The following HSD17B13 variants were observed in gnomAD, a reference collection of about 807,000 sequenced individuals.
HSD17B13 encodes hydroxysteroid 17-beta dehydrogenase 13, also known as 17-beta-hydroxysteroid dehydrogenase 13.
HSD17B13 carries 26 observed loss-of-function variants against 31.1 expected under a neutral mutation model. The observed-to-expected ratio is 0.84, with a 90% CI of 0.61 to 1.16. HSD17B13 has a LOEUF of 1.16. HSD17B13 is among the 50% of genes most tolerant of loss of function. The pLI, the probability that HSD17B13 is intolerant of heterozygous loss-of-function variation, is 0.00. For missense variants in HSD17B13, 374 were observed against 366.5 expected (o/e 1.02, Z -0.17); for synonymous variants, 141 against 133.7 (o/e 1.05, Z -0.38).
chr4:87,310,293 C>T lies in HSD17B13; in HGVS notation c.762G>A (p.Lys254=), dbSNP rs773922527. 1.0e-5 allele frequency: 16 copies of T among 1,582,206 alleles called. No homozygotes were observed. The highest frequency in any genetic ancestry group is 1.9e-5 in the Admixed American group (1 of 53,718). Reference sequence around the variant, plus strand: ...TATACGATGGAACAAAAATCATTTTCTTATTGGTAAGTATTCCATCTATCA... The same window carrying T: ...TATACGATGGAACAAAAATCATTTTTTTATTGGTAAGTATTCCATCTATCA... ...RSLIDGILTN[K]KMIFVPSYIN... is the part of the protein sequence containing the mutation. Residue 254 remains lysine (K), a synonymous_variant, in exon 6 of 7, where the codon AAG becomes AAA. Coordinates refer to ENST00000328546, the MANE Select transcript of HSD17B13 (RefSeq NM_178135.5).
At chr4:87,317,319 G>T in intron 2 of HSD17B13, 96 bp from the exon 3 acceptor site, 1 of 1,233,442 alleles carries the variant, frequency 8.1e-7, no homozygotes, top group South Asian at 1.4e-5. Context: ...TTCTTCTATT[G>T]TATGAGGTCT....
Position 87,313,895 on chromosome 4 carries a change from T to C in HSD17B13, c.623A>G (p.Lys208Arg). The part of the protein sequence containing the change: ...GLTSELQALG[K>R]TGIKTSCLCP... ...GAGACATGAGGTTTTGATACCAGTT[T>C]TTCCCAAGGCCTGAAGTTCTGATGT... The change falls in exon 5 of 7, where the codon AAA (lysine) becomes AGA (arginine). Residue 208 changes from lysine to arginine, a missense_variant. Transcript: ENST00000328546. 1 of 1,610,432 alleles carries C rather than the reference T, an allele frequency of 6.2e-7. No homozygotes were observed. Among genetic ancestry groups the C allele is most frequent in the South Asian group, 1.1e-5 (1 of 90,354 alleles).
chr4:87,308,421 G>A (rs945132017), intron 6 of HSD17B13, among the ~76,000 whole-genome samples: 42 of 139,998 alleles, frequency 3.0e-4, no homozygotes, highest in African/African-American at 8.4e-4. Flanking sequence ...AGGCTGAGGC[G>A]GGCGGATCAC....
intron 3 of HSD17B13, among the ~76,000 whole-genome samples, chr4:87,315,836 A>G (rs754116105): frequency 9.2e-5 from 14 of 152,204 alleles, no homozygotes; most frequent in Non-Finnish European, 1.9e-4. Flanking sequence ...CCTTCCCTTC[A>G]GAAGGAATCA....
chr4:87,307,306 CTTGTT>C (rs1321030128), intron 6 of HSD17B13, among the ~76,000 whole-genome samples: 1 of 152,096 alleles, frequency 6.6e-6, no homozygotes, highest in Non-Finnish European at 1.5e-5. Context: ...CTTTGAGACT[CTTGTT>C]TATTTTACTG....
chr4:87,314,244 T>A (rs1734597636), intron 4 of HSD17B13, among the ~76,000 whole-genome samples: 2 of 152,072 alleles, frequency 1.3e-5, no homozygotes, highest in African/African-American at 4.8e-5. Context: ...GTAAGGTTTT[T>A]CCATTGAATC....
In HSD17B13 at chr4:87,303,856, T is replaced by C. The variant is rs1261270122; in HGVS notation, c.*1362A>G. 3.8e-5 allele frequency: 4 copies of C among 105,866 alleles called. No homozygotes were observed. The Admixed American group carries it at 3.8e-4, about 10-fold the overall frequency. 6.6% of individuals were successfully genotyped at this position (105,866 alleles called of 1,614,324 possible). ...GTTATTTTTTTAAAGCACAATGACATATTTATTTTTAGTGAATTGTTTTTG... is the reference window on the plus strand; with the variant it reads ...GTTATTTTTTTAAAGCACAATGACACATTTATTTTTAGTGAATTGTTTTTG... On this transcript the variant is annotated 3_prime_UTR_variant, in exon 7 of 7. Transcript: ENST00000328546.
intron 2 of HSD17B13, 99 bp downstream of exon 2, chr4:87,318,230 C>T (rs185258911): frequency 1.1e-6 from 1 of 881,908 alleles, no homozygotes; most frequent in African/African-American, 1.7e-5. Flanking sequence ...AGCTAAAATC[C>T]AATTTAAATC....
rs111457687 is a variant in HSD17B13, at chr4:87,305,328, A to AC, written c.813-21_813-20insG. ...AGAAACCTGTACAAAAAAGAAAAAA[A>AC]AATTGAAAAATTTTCCATTTAAAAT... On this transcript the variant is annotated intron_variant, in intron 6 of 6. Transcript: ENST00000328546. 1.3e-6 allele frequency: 2 copies of AC among 1,520,196 alleles called. No individual in the cohort carries two copies. Among genetic ancestry groups the AC allele is most frequent in the South Asian group, 1.3e-5 (1 of 79,882 alleles). 94.2% of individuals were successfully genotyped at this position (1,520,196 alleles called of 1,614,324 possible). A position where few individuals can be genotyped will look rare whatever the true frequency, so the allele number is the denominator to read the frequency against.
intron 4 of HSD17B13, among the ~76,000 whole-genome samples, chr4:87,314,378 C>T (rs982607005): frequency 2.6e-5 from 4 of 151,832 alleles, no homozygotes; most frequent in Admixed American, 1.3e-4. Context: ...TAGGACTCTG[C>T]TCATTTCTCC....
rs1292682183 is a variant in HSD17B13 at position 87,305,125 on chromosome 4, G to C, written c.*93C>G. On this transcript the variant is annotated 3_prime_UTR_variant, in exon 7 of 7. Transcript: ENST00000328546. ...CAAACCAATGTTTTTAATATTATCAGGACTGAAAAAATGTGAAATAAAGCT... is the reference window on the plus strand; with the variant it reads ...CAAACCAATGTTTTTAATATTATCACGACTGAAAAAATGTGAAATAAAGCT... The C allele has an allele frequency of 1.7e-5, 12 of 713,206 alleles. No individual in the cohort carries two copies. In the East Asian group the frequency reaches 3.6e-4, roughly 22 times the overall value. 44.2% of individuals were successfully genotyped at this position (713,206 alleles called of 1,614,324 possible).
chr4:87,310,198 G>C (rs763684583), intron 6 of HSD17B13, 45 bp downstream of exon 6: 5 of 1,425,950 alleles, frequency 3.5e-6, no homozygotes, highest in East Asian at 2.8e-5. Context: ...AAAAAAAAAA[G>C]CTCTATTGGT....
chr4:87,314,650 C>T (rs1187134485), intron 4 of HSD17B13, among the ~76,000 whole-genome samples: 1 of 150,808 alleles, frequency 6.6e-6, no homozygotes, highest in Non-Finnish European at 1.5e-5. Context: ...CTCACACACA[C>T]ACACACACAC....
At chr4:87,313,177 G>A (rs1356465250) in intron 5 of HSD17B13, among the ~76,000 whole-genome samples, 2 of 152,002 alleles carry the variant, frequency 1.3e-5, no homozygotes, top group Non-Finnish European at 2.9e-5. Flanking sequence ...AGACCACATA[G>A]CTAACTCAGG....
intron 5 of HSD17B13, among the ~76,000 whole-genome samples, chr4:87,313,325 C>A (rs1328414537): frequency 6.6e-6 from 1 of 152,144 alleles, no homozygotes; most frequent in Non-Finnish European, 1.5e-5. Flanking sequence ...ATTTTGTTAA[C>A]CTGCAGCAGA....
rs1358495923 is a variant in HSD17B13, at chr4:87,308,479, CT to C, written c.812+1763del. Among the ~76,000 whole-genome samples, 112 of 95,612 alleles carry C rather than the reference CT, an allele frequency of 1.2e-3. 3 individuals are homozygous for C. Among genetic ancestry groups the C allele is most frequent in the Non-Finnish European group, 1.8e-3 (85 of 48,322 alleles). 62.7% of individuals were successfully genotyped at this position (95,612 alleles called of 152,430 possible). On this transcript the variant is annotated intron_variant, in intron 6 of 6. Transcript: ENST00000328546. Reference sequence around the variant, plus strand: ...CCTGGCTAACAGGGTGAAACCCCGTCTCTACTAAAAAAAAAAAAAAAAAAAA... The same window carrying C: ...CCTGGCTAACAGGGTGAAACCCCGTCCTACTAAAAAAAAAAAAAAAAAAAA...
chr4:87,309,292 G>C (rs1158816471), intron 6 of HSD17B13, among the ~76,000 whole-genome samples: 1 of 147,052 alleles, frequency 6.8e-6, no homozygotes, highest in Non-Finnish European at 1.5e-5. Context: ...GCTGAGGCAG[G>C]AGAATCACTT....
At chr4:87,311,691 T>C (rs1273202539) in intron 5 of HSD17B13, among the ~76,000 whole-genome samples, 1 of 152,202 alleles carries the variant, frequency 6.6e-6, no homozygotes, top group Non-Finnish European at 1.5e-5. Flanking sequence ...AGGCATGGAC[T>C]GAACAGCCAG....
At chr4:87,314,801 G>C (rs984548671) in intron 4 of HSD17B13, among the ~76,000 whole-genome samples, 2 of 152,056 alleles carry the variant, frequency 1.3e-5, no homozygotes, top group African/African-American at 4.8e-5. Flanking sequence ...CTCAGTCTGT[G>C]GGGTTTCTGT....
Sources: gnomAD v4.1 joint callset for allele counts (sites outside exome capture counted in the v4.1 genomes callset) on GRCh38, gnomAD v4.1.1 for gene constraint, MANE v1.5 for transcripts, NCBI Gene and HGNC (gene_info 2026-07-23, HGNC 2026-07-21) for gene names.